AQP7: variants seen among roughly 807,000 people sequenced by gnomAD.
The protein encoded by AQP7 is aquaporin 7.
A neutral mutation model predicts 26.1 loss-of-function variants in AQP7; 22 were observed. The observed-to-expected ratio is 0.84, with a 90% confidence interval of 0.60 to 1.20. AQP7 has a LOEUF of 1.20. Ranked by LOEUF, AQP7 falls within the 50% of genes most tolerant of loss-of-function variation. The pLI, the probability that AQP7 is intolerant of heterozygous loss-of-function variation, is 0.00. For missense variants in AQP7, 412 were observed against 457.5 expected (o/e 0.90, Z 0.91); for synonymous variants, 167 against 181.7 (o/e 0.92, Z 0.65).
intron 2 of AQP7, among the ~76,000 whole-genome samples, chr9:33,398,314 G>T (rs1825997690): frequency 6.6e-6 from 1 of 151,544 alleles, no homozygotes; most frequent in Non-Finnish European, 1.5e-5. Context: ...GTGGCAGAAG[G>T]CCTCATGGCC....
intron 2 of AQP7, 83 bp downstream of exon 2, chr9:33,401,154 C>G: frequency 6.8e-7 from 1 of 1,466,010 alleles, no homozygotes; most frequent in Non-Finnish European, 9.3e-7. Flanking sequence ...AAGGGAGAGG[C>G]TGAGGATGGA....
Position 33,386,174 on chromosome 9 carries a change from C to T in AQP7, c.428G>A (p.Gly143Asp), listed in dbSNP as rs776499439. The change falls in exon 6 of 8, where the codon GGT becomes GAT. Residue 143 changes from glycine to aspartate, a missense_variant. Gly to Asp is a moderately conservative substitution (Grantham distance 94). Coordinates refer to ENST00000297988, the MANE Select transcript of AQP7 (RefSeq NM_001170.3). The stretch of plus-strand genomic sequence containing the variant: ...GGGACCGGTCACCATCAGCTGTCCA[C>T]CCGAAAAGTGGAGAATGGCCGCTGC... ...LFYTAILHFS[G>D]GQLMVTGPVA... 2 of 1,614,008 alleles carry T rather than the reference C, an allele frequency of 1.2e-6. No individual in the cohort carries two copies. Among genetic ancestry groups the T allele is most frequent in the Non-Finnish European group, 1.7e-6 (2 of 1,179,880 alleles).
intron 3 of AQP7, among the ~76,000 whole-genome samples, chr9:33,390,113 G>A (rs900841479): frequency 1.3e-5 from 2 of 152,110 alleles, no homozygotes; most frequent in Non-Finnish European, 2.9e-5. Flanking sequence ...CCTGAGGAGC[G>A]GGGGAGAGAG....
chr9:33,400,850 G>A (rs956744489), intron 2 of AQP7, among the ~76,000 whole-genome samples: 3 of 151,988 alleles, frequency 2.0e-5, no homozygotes, highest in Non-Finnish European at 2.9e-5. Flanking sequence ...GGCTGGAGGA[G>A]GGAGAGCAGG....
intron 6 of AQP7, 94 bp from the exon 7 acceptor site, chr9:33,385,960 C>T (rs1281305900): frequency 1.0e-5 from 16 of 1,559,032 alleles, no homozygotes; most frequent in South Asian, 4.8e-5. Context: ...AGCAGAGACA[C>T]GTCTCGGTAC....
rs74914808 is a variant in AQP7 at position 33,395,323 on chromosome 9, G to T, written c.27-128C>A. Reference sequence around the variant, plus strand: ...CTCGCCCACACACGCCTCCTCTTGCGCAGGGCAGCTGGGACAGCTGGAATT... The same window carrying T: ...CTCGCCCACACACGCCTCCTCTTGCTCAGGGCAGCTGGGACAGCTGGAATT... On this transcript the variant is annotated intron_variant, in intron 2 of 7. Coordinates refer to ENST00000297988, the MANE Select transcript of AQP7 (RefSeq NM_001170.3). 18 of 751,812 alleles carry T rather than the reference G, an allele frequency of 2.4e-5. No individual in the cohort carries two copies. The East Asian group carries it at 3.0e-4, about 12-fold the overall frequency. 46.6% of individuals were successfully genotyped at this position (751,812 alleles called of 1,614,324 possible).
chr9:33,383,956 C>T lies in AQP7; in HGVS notation c.*1049G>A, dbSNP rs1290624532. On this transcript the variant is annotated 3_prime_UTR_variant, in exon 8 of 8. Coordinates refer to ENST00000297988, the MANE Select transcript of AQP7 (RefSeq NM_001170.3). ...ACCTGTCCCCCATTAAACTGCAACCCTCAAAGGCAGAGCCCAGCGCATCCA... is the reference window on the plus strand; with the variant it reads ...ACCTGTCCCCCATTAAACTGCAACCTTCAAAGGCAGAGCCCAGCGCATCCA... 1.3e-5 allele frequency: 2 copies of T among 152,516 alleles called. No individual in the cohort carries two copies. Among genetic ancestry groups the T allele is most frequent in the African/African-American group, 4.8e-5 (2 of 41,580 alleles). 9.4% of individuals were successfully genotyped at this position (152,516 alleles called of 1,614,324 possible). A position where few individuals can be genotyped will look rare whatever the true frequency, so the allele number is the denominator to read the frequency against.
At chr9:33,393,836 C>T (rs1184404134) in intron 3 of AQP7, 1 of 152,328 alleles carries the variant, frequency 6.6e-6, no homozygotes, top group African/African-American at 2.4e-5. Flanking sequence ...CCGCTGACGG[C>T]TTCTTCCTGG....
chr9:33,384,911 G>A lies in AQP7; in HGVS notation c.*94C>T. ...GCTCCTGTAAGAACCCAGGAGGGAA[G>A]CCCAACCACAGGAGGCCCCCAGGAA... On this transcript the variant is annotated 3_prime_UTR_variant, in exon 8 of 8. Transcript: ENST00000297988. 7.0e-7 allele frequency: 1 copy of A among 1,435,932 alleles called. No homozygotes were observed. The highest frequency in any genetic ancestry group is 2.3e-5 in the East Asian group (1 of 43,746). The allele number at this position is 1,435,932 out of a possible 1,614,324, so 88.9% of individuals were successfully genotyped here. A position where few individuals can be genotyped will look rare whatever the true frequency, so the allele number is the denominator to read the frequency against.
intron 1 of AQP7, chr9:33,401,563 C>T: frequency 4.1e-6 from 2 of 483,468 alleles, no homozygotes; most frequent in Admixed American, 3.3e-5. Context: ...CGGCTTTGGA[C>T]TGTGGAGATG....
At chr9:33,394,642 C>T (rs1223701687) in intron 3 of AQP7, among the ~76,000 whole-genome samples, 2 of 151,946 alleles carry the variant, frequency 1.3e-5, no homozygotes, top group African/African-American at 4.8e-5. Context: ...AGATTACAGG[C>T]GTCCGCCACC....
At chr9:33,394,815 C>G (rs796200915) in intron 3 of AQP7, among the ~76,000 whole-genome samples, 1 of 152,086 alleles carries the variant, frequency 6.6e-6, no homozygotes, top group African/African-American at 2.4e-5. Flanking sequence ...ATCTCTTTAT[C>G]CTGGGTTTCC....
intron 3 of AQP7, among the ~76,000 whole-genome samples, chr9:33,394,486 C>CTT (rs56966031): frequency 2.6e-5 from 3 of 115,110 alleles, no homozygotes; most frequent in African/African-American, 9.1e-5. Flanking sequence ...CTCTCTCTCT[C>CTT]TTTTTTTTTT....
At chr9:33,392,919 T>A (rs148414620) in intron 3 of AQP7, among the ~76,000 whole-genome samples, 1 of 152,252 alleles carries the variant, frequency 6.6e-6, no homozygotes, top group Non-Finnish European at 1.5e-5. Context: ...AGTGCTCCTG[T>A]TAACCAATAA....
In AQP7 at chr9:33,390,337, C is replaced by T. The variant is rs925783885; in HGVS notation, c.145-3245G>A. Reference sequence around the variant, plus strand: ...GTCCTCCAGGAAGGAGAGGACCCCGCCCCAGCCAAGGGGTGATATGTGGAT... The same window carrying T: ...GTCCTCCAGGAAGGAGAGGACCCCGTCCCAGCCAAGGGGTGATATGTGGAT... On this transcript the variant is annotated intron_variant, in intron 3 of 7. Transcript: ENST00000297988. 2.0e-4 allele frequency among the ~76,000 whole-genome samples: 30 copies of T among 151,984 alleles called. No individual in the cohort carries two copies. In the East Asian group the frequency reaches 2.5e-3, roughly 13 times the overall value.
At chr9:33,400,458 G>C (rs1428780485) in intron 2 of AQP7, among the ~76,000 whole-genome samples, 2 of 152,074 alleles carry the variant, frequency 1.3e-5, no homozygotes, top group Non-Finnish European at 2.9e-5. Flanking sequence ...GTCACCAGAG[G>C]ACTCTCAGCA....
intron 2 of AQP7, among the ~76,000 whole-genome samples, chr9:33,396,437 T>C (rs1394278464): frequency 1.1e-4 from 4 of 36,064 alleles, no homozygotes; most frequent in African/African-American, 1.1e-4. Context: ...AGACTCCATC[T>C]CAAAAAAAAA....
In AQP7 at chr9:33,401,456, C is replaced by T. The variant is rs367738341; in HGVS notation, c.-25-169G>A. 642 of 618,746 alleles carry T rather than the reference C, an allele frequency of 1.0e-3. 11 individuals are homozygous for T. The highest frequency in any genetic ancestry group is 6.3e-3 in the South Asian group (341 of 54,540). The allele number at this position is 618,746 out of a possible 1,614,324, so 38.3% of individuals were successfully genotyped here. On this transcript the variant is annotated intron_variant, in intron 1 of 7. Coordinates refer to ENST00000297988, the MANE Select transcript of AQP7 (RefSeq NM_001170.3). ...GAGGAGCGGTGCTCAGCCAATGAGG[C>T]GACGCCCTGGAGCCCCACCCCACCC...
intron 3 of AQP7, among the ~76,000 whole-genome samples, chr9:33,388,681 C>T (rs558165968): frequency 9.2e-5 from 14 of 152,264 alleles, no homozygotes; most frequent in African/African-American, 3.4e-4. Flanking sequence ...TATTATTCTC[C>T]CCCACTTGAC....
Sources: allele counts gnomAD v4.1 joint callset (sites outside exome capture counted in the v4.1 genomes callset), GRCh38; gene constraint gnomAD v4.1.1; transcripts MANE v1.5; gene names NCBI Gene and HGNC (gene_info 2026-07-23, HGNC 2026-07-21).